The following PCDHGA10 variants were observed in gnomAD, a reference collection of about 807,000 sequenced individuals.
PCDHGA10 encodes the protein protocadherin gamma-A10.
Under a neutral mutation model 59.5 loss-of-function variants are expected in PCDHGA10, and 42 were observed. That is an observed-to-expected ratio of 0.71 (90% CI 0.55 to 0.91). The LOEUF (loss-of-function observed/expected upper bound fraction) is 0.91, where lower values mean the gene tolerates loss of function less well. Ranked by LOEUF, PCDHGA10 falls within the 40% of genes least tolerant of loss-of-function variation. PCDHGA10 has a pLI of 0.00. For synonymous variants in PCDHGA10, 511 were observed against 517.2 expected (o/e 0.99, Z 0.16); for missense variants, 1,111 against 1,198.2 (o/e 0.93, Z 1.07).
intron 1 of PCDHGA10, among the ~76,000 whole-genome samples, chr5:141,469,317 C>T (rs1354878667): frequency 6.6e-6 from 1 of 152,092 alleles, no homozygotes; most frequent in Non-Finnish European, 1.5e-5. Flanking sequence ...TGGCTCACGC[C>T]TGTAATCCCA....
At chr5:141,443,344 G>T (rs1016738767) in intron 1 of PCDHGA10, among the ~76,000 whole-genome samples, 2 of 151,966 alleles carry the variant, frequency 1.3e-5, no homozygotes, top group African/African-American at 2.4e-5. Context: ...AATTAACAAG[G>T]TTTAGTGGTC....
intron 1 of PCDHGA10, chr5:141,478,642 T>C (rs777741719): frequency 6.4e-7 from 1 of 1,552,350 alleles, no homozygotes; most frequent in Non-Finnish European, 8.7e-7. Context: ...GTGATGAAGA[T>C]GTTTTCCTGG....
intron 3 of PCDHGA10, chr5:141,506,988 A>G (rs1364718512): frequency 1.3e-5 from 2 of 152,192 alleles, no homozygotes; most frequent in Non-Finnish European, 2.9e-5. Context: ...CTGATTTCTC[A>G]CACTCGACAG....
At chr5:141,470,388 T>C (rs1234907080) in intron 1 of PCDHGA10, among the ~76,000 whole-genome samples, 4 of 152,198 alleles carry the variant, frequency 2.6e-5, no homozygotes, top group African/African-American at 9.6e-5. Flanking sequence ...TACTCGATGA[T>C]ATTTAGGATT....
chr5:141,456,878 G>A (rs71583646), intron 1 of PCDHGA10, among the ~76,000 whole-genome samples: 21 of 152,162 alleles, frequency 1.4e-4, no homozygotes, highest in African/African-American at 2.4e-4. Flanking sequence ...CAGGAGAATC[G>A]CTTGAACCCG....
chr5:141,460,275 A>G (rs2154566824), intron 1 of PCDHGA10, among the ~76,000 whole-genome samples: 1 of 152,098 alleles, frequency 6.6e-6, no homozygotes, highest in East Asian at 1.9e-4. Context: ...TTTTTCTTTT[A>G]TAGTTTGTAT....
At position 141,432,394 on chromosome 5, in the gene PCDHGA10, C is replaced by G; in HGVS notation, c.2436+16783C>G. 1 of 1,614,260 alleles carries G rather than the reference C, an allele frequency of 6.2e-7. No individual in the cohort carries two copies. The highest frequency in any genetic ancestry group is 8.5e-7 in the Non-Finnish European group (1 of 1,180,050). On this transcript the variant is annotated intron_variant, in intron 1 of 3. Transcript: ENST00000398610. This position sits in a 1 kb window ranked among gnomAD's most constrained non-coding sequence, Gnocchi z 6.0. The stretch of plus-strand genomic sequence containing the variant: ...ACGGGCACCCGCCCCTCAGCAGCAA[C>G]GTGTCGTTGAGCCTGTTCGTGCTGG...
intron 1 of PCDHGA10, among the ~76,000 whole-genome samples, chr5:141,455,125 A>G (rs952979433): frequency 3.5e-4 from 53 of 151,762 alleles, no homozygotes; most frequent in Non-Finnish European, 1.0e-4. Flanking sequence ...CTAATGTTTT[A>G]AATTACACTG....
intron 2 of PCDHGA10, among the ~76,000 whole-genome samples, chr5:141,500,182 A>T (rs1050067271): frequency 4.6e-5 from 6 of 131,718 alleles, no homozygotes; most frequent in African/African-American, 1.9e-4. Context: ...CTTCATTTTT[A>T]TTTTTATTTA....
At chr5:141,421,185 C>T in intron 1 of PCDHGA10, 1 of 1,463,494 alleles carries the variant, frequency 6.8e-7, no homozygotes, top group Non-Finnish European at 9.1e-7. Flanking sequence ...GATTCACAAC[C>T]AACCAGCTCG....
intron 1 of PCDHGA10, among the ~76,000 whole-genome samples, chr5:141,463,539 C>T (rs1408887405): frequency 6.7e-6 from 1 of 148,606 alleles, no homozygotes; most frequent in Admixed American, 6.8e-5. Context: ...AACTCCGGCT[C>T]CCGGGTTCAT....
chr5:141,442,164 C>A, intron 1 of PCDHGA10: 1 of 156,542 alleles, frequency 6.4e-6, no homozygotes, highest in Non-Finnish European at 1.4e-5. Context: ...GATCACTCTG[C>A]AAAGCTACAG....
At chr5:141,420,208 A>G (rs1396340813) in intron 1 of PCDHGA10, 1 of 1,612,970 alleles carries the variant, frequency 6.2e-7, no homozygotes, top group Non-Finnish European at 8.5e-7. Flanking sequence ...ACCTCAACAA[A>G]GATAGCATGC....
At position 141,490,027 on chromosome 5, in the gene PCDHGA10, C is replaced by T. The variant is rs767829552; in HGVS notation, c.2437-4780C>T. Reference sequence around the variant, plus strand: ...TGCACCCATTGGTACTCTGCTGCTCCGCCTCAATGCCACTGATCCAGACGA... The same window carrying T: ...TGCACCCATTGGTACTCTGCTGCTCTGCCTCAATGCCACTGATCCAGACGA... On this transcript the variant is annotated intron_variant, in intron 1 of 3. Coordinates refer to ENST00000398610, the MANE Select transcript of PCDHGA10 (RefSeq NM_018913.3). This position sits in a 1 kb window ranked among gnomAD's most constrained non-coding sequence, Gnocchi z 5.4. The T allele has an allele frequency of 2.4e-5, 39 of 1,614,096 alleles. No homozygotes were observed. The highest frequency in any genetic ancestry group is 4.0e-5 in the African/African-American group (3 of 74,942).
intron 3 of PCDHGA10, among the ~76,000 whole-genome samples, chr5:141,508,954 C>A (rs2154594435): frequency 6.6e-6 from 1 of 152,170 alleles, no homozygotes; most frequent in Admixed American, 6.5e-5. Context: ...AGAGAAATGT[C>A]AGCGGAATGA....
At chr5:141,510,589 A>G (rs1043188276) in intron 3 of PCDHGA10, among the ~76,000 whole-genome samples, 2 of 152,194 alleles carry the variant, frequency 1.3e-5, no homozygotes, top group African/African-American at 2.4e-5. Context: ...CGTACCTGAC[A>G]TACATTTTCT....
At chr5:141,427,869 A>G in intron 1 of PCDHGA10, 3 of 1,559,604 alleles carry the variant, frequency 1.9e-6, no homozygotes, top group Non-Finnish European at 2.6e-6. Flanking sequence ...CTTCGAGCTC[A>G]CGATGCAGGC....
intron 1 of PCDHGA10, among the ~76,000 whole-genome samples, chr5:141,474,102 AAAC>A (rs909174523): frequency 2.6e-4 from 40 of 152,286 alleles, no homozygotes; most frequent in African/African-American, 8.7e-4. Flanking sequence ...ACAACAACAA[AAAC>A]AACAACAACG....
chr5:141,414,659 T>C lies in PCDHGA10; in HGVS notation c.1484T>C (p.Leu495Pro), dbSNP rs566999623. The change falls in exon 1 of 4, where the codon CTG (leucine) becomes CCG (proline). Residue 495 changes from leucine (L) to proline (P), a missense_variant. Coordinates refer to ENST00000398610, the MANE Select transcript of PCDHGA10 (RefSeq NM_018913.3). ...SKENAQIIYS[L>P]AEDTIQGVPL... ...GAGAATGCCCAGATTATTTACTCCC[T>C]GGCTGAAGACACCATCCAGGGGGTA... 21 of 1,614,010 alleles carry C rather than the reference T, an allele frequency of 1.3e-5. No homozygotes were observed. In the South Asian group the frequency reaches 2.2e-4, roughly 17 times the overall value.
Sources: gnomAD v4.1 joint callset for allele counts (sites outside exome capture counted in the v4.1 genomes callset) on GRCh38, gnomAD v4.1.1 for gene constraint, Gnocchi (gnomAD v3.1) non-coding constraint, MANE v1.5 for transcripts, NCBI Gene and HGNC (gene_info 2026-07-23, HGNC 2026-07-21) for gene names.